PDLIM5: variants seen among roughly 807,000 people sequenced by gnomAD.
PDLIM5 encodes PDZ and LIM domain 5, also known as PDZ and LIM domain protein 5.
In PDLIM5, 34 loss-of-function variants were observed where a neutral mutation model predicts 64.2. The ratio of observed to expected loss-of-function variants is 0.53; its 90% confidence interval spans 0.40 to 0.71. The LOEUF is 0.71. Among genes scored for constraint, PDLIM5 ranks in the 30% least tolerant of loss-of-function variants. The pLI is 0.00. For synonymous variants in PDLIM5, 253 were observed against 269.1 expected (o/e 0.94, Z 0.59); for missense variants, 683 against 733.6 (o/e 0.93, Z 0.80).
intron 7 of PDLIM5, among the ~76,000 whole-genome samples, chr4:94,599,455 G>T (rs1202815821): frequency 1.3e-5 from 2 of 152,050 alleles, no homozygotes; most frequent in Non-Finnish European, 2.9e-5. Context: ...AGAATCGAGG[G>T]ATAGCAGACT....
At chr4:94,599,625 A>C (rs1393490840) in intron 7 of PDLIM5, among the ~76,000 whole-genome samples, 1 of 152,188 alleles carries the variant, frequency 6.6e-6, no homozygotes, top group African/African-American at 2.4e-5. Flanking sequence ...AAATCAAACA[A>C]TTCAATAGTA....
At chr4:94,596,472 C>T (rs1222703407) in intron 7 of PDLIM5, among the ~76,000 whole-genome samples, 1 of 151,350 alleles carries the variant, frequency 6.6e-6, no homozygotes, top group Non-Finnish European at 1.5e-5. Flanking sequence ...TTGAATTAAA[C>T]CAGATAATTA....
chr4:94,455,848 A>C, intron 2 of PDLIM5: 1 of 1,397,540 alleles, frequency 7.2e-7, no homozygotes, highest in Non-Finnish European at 9.8e-7. Flanking sequence ...GATAGCCAAC[A>C]GTAAGATGGC....
chr4:94,620,616 A>G (rs1578484613), intron 8 of PDLIM5, among the ~76,000 whole-genome samples: 1 of 152,268 alleles, frequency 6.6e-6, no homozygotes, highest in South Asian at 2.1e-4. Context: ...TAGTTAATTA[A>G]GTAGGAATCC....
rs1484447994 is a variant in PDLIM5, at chr4:94,586,389, A to C, written c.884-19A>C. 7.3e-7 allele frequency: 1 copy of C among 1,363,040 alleles called. No homozygotes were observed. The highest frequency in any genetic ancestry group is 1.8e-5 in the Admixed American group (1 of 56,702). The allele number at this position is 1,363,040 out of a possible 1,614,324, so 84.4% of individuals were successfully genotyped here. Reference sequence around the variant, plus strand: ...TAAACAAAACAAACTAATATTGGATATTGCTTATTATATTTCAGTGAAAGA... The same window carrying C: ...TAAACAAAACAAACTAATATTGGATCTTGCTTATTATATTTCAGTGAAAGA... On this transcript the variant is annotated intron_variant, in intron 6 of 12. Coordinates refer to ENST00000317968, the MANE Select transcript of PDLIM5 (RefSeq NM_006457.5).
intron 7 of PDLIM5, among the ~76,000 whole-genome samples, chr4:94,615,673 A>G (rs1261918216): frequency 6.6e-6 from 1 of 152,168 alleles, no homozygotes; most frequent in East Asian, 1.9e-4. Context: ...CCACAGGCTA[A>G]ATGGCTAAAT....
chr4:94,652,811 A>T (rs1406479226), intron 9 of PDLIM5, among the ~76,000 whole-genome samples: 3 of 152,188 alleles, frequency 2.0e-5, no homozygotes, highest in African/African-American at 7.2e-5. Context: ...CATGTTATTA[A>T]TAAGAAACAA....
At chr4:94,644,778 TGATCCA>T in intron 9 of PDLIM5, among the ~76,000 whole-genome samples, 1 of 152,078 alleles carries the variant, frequency 6.6e-6, no homozygotes, top group Non-Finnish European at 1.5e-5. Context: ...CCTGACCTCA[TGATCCA>T]CCTGCCTCGG....
At chr4:94,508,752 T>C (rs1728612437) in intron 2 of PDLIM5, among the ~76,000 whole-genome samples, 2 of 152,232 alleles carry the variant, frequency 1.3e-5, no homozygotes, top group South Asian at 4.1e-4. Context: ...AAGTTATTTA[T>C]CATCCTATAC....
intron 7 of PDLIM5, among the ~76,000 whole-genome samples, chr4:94,586,748 G>A (rs1258219347): frequency 6.6e-6 from 1 of 152,106 alleles, no homozygotes. Flanking sequence ...GTGTTGTCTT[G>A]CAGTCACTTT....
chr4:94,560,530 A>G (rs903155405), intron 3 of PDLIM5, among the ~76,000 whole-genome samples: 3 of 152,292 alleles, frequency 2.0e-5, no homozygotes, highest in African/African-American at 7.2e-5. Context: ...TTATTACCTT[A>G]TAAATCCCTT....
At chr4:94,484,147 A>G (rs1726110209) in intron 2 of PDLIM5, among the ~76,000 whole-genome samples, 2 of 152,210 alleles carry the variant, frequency 1.3e-5, no homozygotes, top group South Asian at 4.1e-4. Context: ...CAGCATTTTT[A>G]TCTTTCAGGT....
intron 7 of PDLIM5, among the ~76,000 whole-genome samples, chr4:94,596,759 A>G (rs1737098549): frequency 8.3e-6 from 1 of 120,872 alleles, no homozygotes; most frequent in Non-Finnish European, 1.9e-5. Flanking sequence ...AGAAAATTGA[A>G]CCAATATATT....
At chr4:94,625,608 A>G (rs1294835840) in intron 8 of PDLIM5, among the ~76,000 whole-genome samples, 2 of 151,970 alleles carry the variant, frequency 1.3e-5, no homozygotes, top group African/African-American at 4.8e-5. Flanking sequence ...GCCCGCCACC[A>G]TGCCCGGCTA....
intron 3 of PDLIM5, chr4:94,549,964 A>G (rs1732666685): frequency 6.6e-6 from 1 of 152,168 alleles, no homozygotes; most frequent in Non-Finnish European, 1.5e-5. Context: ...TAAAATGACG[A>G]TACCAGTACC....
chr4:94,522,872 A>G (rs1729951326), intron 2 of PDLIM5, among the ~76,000 whole-genome samples: 1 of 152,170 alleles, frequency 6.6e-6, no homozygotes, highest in Non-Finnish European at 1.5e-5. Context: ...ACTTATACTT[A>G]CTGAATGCTG....
intron 5 of PDLIM5, chr4:94,582,908 G>A: frequency 1.8e-6 from 1 of 570,048 alleles, no homozygotes; most frequent in South Asian, 2.3e-5. Context: ...TGCATCAGAG[G>A]TATGTTTAGA....
At chr4:94,643,033 A>T (rs979384881) in intron 9 of PDLIM5, among the ~76,000 whole-genome samples, 13 of 152,182 alleles carry the variant, frequency 8.5e-5, no homozygotes, top group Non-Finnish European at 1.8e-4. Flanking sequence ...AAGGCAAACT[A>T]AAGCACATTT....
chr4:94,662,452 A>G lies in PDLIM5; in HGVS notation c.1616A>G (p.His539Arg), dbSNP rs1742809724. ...TATGCCCTCTTTGGTACTATATGCC[A>G]TGGATGTGAATTTCCCATAGAAGCT... Reference protein sequence around the residue: ...DYYALFGTICHGCEFPIEAGD... With the variant: ...DYYALFGTICRGCEFPIEAGD... The change falls in exon 12 of 13, where the codon CAT becomes CGT. Residue 539 changes from histidine to arginine, a missense_variant. Physicochemically the swap from His to Arg is conservative, Grantham distance 29. Transcript: ENST00000317968. 4 of 1,588,918 alleles carry G rather than the reference A, an allele frequency of 2.5e-6. No homozygotes were observed. The highest frequency in any genetic ancestry group is 2.7e-5 in the African/African-American group (2 of 74,430).
Sources: allele counts gnomAD v4.1 joint callset (sites outside exome capture counted in the v4.1 genomes callset), GRCh38; gene constraint gnomAD v4.1.1; transcripts MANE v1.5; gene names NCBI Gene and HGNC (gene_info 2026-07-23, HGNC 2026-07-21).